The following STS variants were observed in gnomAD, a reference collection of about 807,000 sequenced individuals.
STS encodes steroid sulfatase, also known as steryl-sulfatase.
A neutral mutation model predicts 26.8 loss-of-function variants in STS; 7 were observed. That is an observed-to-expected ratio of 0.26 (90% CI 0.15 to 0.49). The LOEUF (loss-of-function observed/expected upper bound fraction) is 0.49. Ranked by LOEUF, STS falls within the 20% of genes least tolerant of loss-of-function variation. STS has a pLI of 0.98. For missense variants in STS, 434 were observed against 465.6 expected, an observed-to-expected ratio of 0.93 and a Z score of 0.63; for synonymous variants, 199 against 189.4, an observed-to-expected ratio of 1.05 and a Z score of -0.42.
chrX:7,291,676 T>C (rs1159378279), intron 7 of STS, among the ~76,000 whole-genome samples: 1 of 112,151 alleles, frequency 8.9e-6, no homozygotes, highest in Non-Finnish European at 1.9e-5. Context: ...CAAATACTGA[T>C]GCTCACCTAA....
At chrX:7,257,689 T>C in intron 5 of STS, 101 bp downstream of exon 5, 1 of 1,045,205 alleles carries the variant, frequency 9.6e-7, no homozygotes, top group Non-Finnish European at 1.3e-6. Context: ...TCATGACAGT[T>C]ATCTTAGGGA....
intron 2 of STS, among the ~76,000 whole-genome samples, chrX:7,230,025 T>C (rs1921990255): frequency 9.1e-6 from 1 of 110,450 alleles, no homozygotes; most frequent in Admixed American, 9.6e-5. Context: ...ACTACAGGCA[T>C]GTGCCACCAT....
intron 9 of STS, among the ~76,000 whole-genome samples, chrX:7,331,434 G>A (rs1022625494): frequency 5.4e-5 from 6 of 110,096 alleles, no homozygotes; most frequent in African/African-American, 9.9e-5. Flanking sequence ...GGGCACTAGG[G>A]CAGAAAACAC....
chrX:7,321,776 A>G (rs1028698430), intron 8 of STS, among the ~76,000 whole-genome samples: 3 of 111,519 alleles, frequency 2.7e-5, no homozygotes, highest in Non-Finnish European at 5.7e-5. Context: ...CTGAACTTCA[A>G]CTCCACTCCC....
intron 10 of STS, among the ~76,000 whole-genome samples, chrX:7,336,903 A>T (rs1239533431): frequency 9.0e-6 from 1 of 111,714 alleles, no homozygotes; most frequent in Admixed American, 9.6e-5. Flanking sequence ...GAGAAAGGGG[A>T]CAGGAAGAGA....
At chrX:7,193,622 A>G (rs1167345254) in intron 2 of STS, among the ~76,000 whole-genome samples, 5 of 111,285 alleles carry the variant, frequency 4.5e-5, no homozygotes, top group African/African-American at 1.3e-4. Flanking sequence ...TCCTTTCCTA[A>G]TGTTCTCAGA....
chrX:7,246,741 A>G (rs1243169125), intron 2 of STS, among the ~76,000 whole-genome samples: 1 of 112,106 alleles, frequency 8.9e-6, no homozygotes, highest in African/African-American at 3.2e-5. Context: ...CGGGAAGGAA[A>G]TGATCCATTA....
At chrX:7,213,710 G>A (rs1363333596) in intron 2 of STS, among the ~76,000 whole-genome samples, 1 of 111,696 alleles carries the variant, frequency 9.0e-6, no homozygotes, top group Non-Finnish European at 1.9e-5. Flanking sequence ...CACCCTCCCA[G>A]GCTGCTCCTG....
Position 7,321,885 on chromosome X carries a change from C to T in STS, c.1082-3454C>T, listed in dbSNP as rs373958333. On this transcript the variant is annotated intron_variant, in intron 8 of 10. Transcript: ENST00000674429. Reference sequence around the variant, plus strand: ...GAGGAAGCAGTGTTTATTCCCCCAGCGATGGGTCACCTGCCCAGCTGGAGT... The same window carrying T: ...GAGGAAGCAGTGTTTATTCCCCCAGTGATGGGTCACCTGCCCAGCTGGAGT... Among the ~76,000 whole-genome samples, 10 of 111,848 alleles carry T rather than the reference C, an allele frequency of 8.9e-5. No individual in the cohort carries two copies. In the East Asian group the frequency reaches 2.5e-3, roughly 29 times the overall value.
chrX:7,275,930 T>C (rs778605148), intron 6 of STS, 21 bp from the exon 7 acceptor site: 12 of 125,454 alleles, frequency 9.6e-5, no homozygotes, highest in East Asian at 2.7e-4. Flanking sequence ...TTTTCCTCCC[T>C]TTTTTTTTTT....
intron 8 of STS, among the ~76,000 whole-genome samples, chrX:7,320,905 G>A (rs1467927560): frequency 7.2e-5 from 8 of 111,777 alleles, no homozygotes; most frequent in African/African-American, 2.6e-4. Context: ...CTAAGTGACT[G>A]TGCATATAGA....
intron 1 of STS, among the ~76,000 whole-genome samples, chrX:7,153,573 T>C (rs751205304): frequency 1.0e-5 from 1 of 98,777 alleles, no homozygotes; most frequent in Non-Finnish European, 2.0e-5. Flanking sequence ...CCTGTCCTCC[T>C]CCGTGACTCC....
intron 8 of STS, among the ~76,000 whole-genome samples, chrX:7,317,945 T>C (rs1178860178): frequency 1.8e-5 from 2 of 111,971 alleles, no homozygotes; most frequent in African/African-American, 6.5e-5. Flanking sequence ...TGTATATCTT[T>C]GTGTCCCATT....
chrX:7,274,491 C>T (rs1924434068), intron 6 of STS, among the ~76,000 whole-genome samples: 1 of 111,786 alleles, frequency 8.9e-6, no homozygotes, highest in African/African-American at 3.2e-5. Flanking sequence ...ATTGAGCCTA[C>T]GAGGTGAAAC....
chrX:7,325,234 AGAGCAGTTGGTTCTTCTACATT>A, intron 8 of STS, 83 bp from the exon 9 acceptor site: 2 of 822,047 alleles, frequency 2.4e-6, no homozygotes, highest in South Asian at 2.2e-5. Flanking sequence ...CTATGTAATT[AGAGCAGTTGGTTCTTCTACATT>A]GAGCACGAAA....
chrX:7,196,540 T>G (rs802910), intron 2 of STS, among the ~76,000 whole-genome samples: 1 of 110,208 alleles, frequency 9.1e-6, no homozygotes, highest in East Asian at 2.8e-4. Context: ...TATGCATATG[T>G]GTGTATACAC....
At chrX:7,219,420 CAA>C (rs1202064144) in intron 2 of STS, 195 of 1,045,901 alleles carry the variant, frequency 1.9e-4, no homozygotes, top group Non-Finnish European at 2.2e-4. Context: ...AGCAACTAGG[CAA>C]AGAGTGTCTC....
At chrX:7,232,464 A>G (rs1457656788) in intron 2 of STS, among the ~76,000 whole-genome samples, 2 of 111,861 alleles carry the variant, frequency 1.8e-5, no homozygotes, top group African/African-American at 6.5e-5. Flanking sequence ...CAATTTGGGT[A>G]TTCTTATGCC....
chrX:7,325,251 T>C lies in STS; in HGVS notation c.1082-88T>C, dbSNP rs112705722. The C allele has an allele frequency of 4.8e-4, 488 of 1,007,392 alleles. 1 individual carries two copies. In the African/African-American group the frequency reaches 8.4e-3, roughly 17 times the overall value. 83.0% of individuals were successfully genotyped at this position (1,007,392 alleles called of 1,213,427 possible). On this transcript the variant is annotated intron_variant, in intron 8 of 10. Coordinates refer to ENST00000674429, the MANE Select transcript of STS (RefSeq NM_001320752.2). ...ATGTAATTAGAGCAGTTGGTTCTTCTACATTGAGCACGAAAGAGTCCATTG... is the reference window on the plus strand; with the variant it reads ...ATGTAATTAGAGCAGTTGGTTCTTCCACATTGAGCACGAAAGAGTCCATTG...
Sources: allele counts gnomAD v4.1 joint callset (sites outside exome capture counted in the v4.1 genomes callset), GRCh38; gene constraint gnomAD v4.1.1; transcripts MANE v1.5; gene names NCBI Gene and HGNC (gene_info 2026-07-23, HGNC 2026-07-21).